Variants in DIAPH2 observed in about 807,000 individuals in gnomAD.
DIAPH2 encodes diaphanous related formin 2.
A neutral mutation model predicts 92.7 loss-of-function variants in DIAPH2; 35 were observed. The observed-to-expected ratio is 0.38, with a 90% CI of 0.29 to 0.50. DIAPH2 has a LOEUF of 0.50. Ranked by LOEUF, DIAPH2 falls within the 20% of genes least tolerant of loss-of-function variation. DIAPH2 has a pLI of 0.94. For missense variants in DIAPH2, 701 were observed against 819.5 expected (o/e 0.86, Z 1.77); for synonymous variants, 301 against 280.4 (o/e 1.07, Z -0.73).
chrX:96,913,660 A>G (rs930560703), intron 7 of DIAPH2, among the ~76,000 whole-genome samples: 10 of 111,338 alleles, frequency 9.0e-5, no homozygotes, highest in African/African-American at 2.9e-4. Context: ...CTTATTTGCT[A>G]AGAACATTGT....
chrX:97,509,183 A>G (rs2070862116), intron 26 of DIAPH2, among the ~76,000 whole-genome samples: 1 of 109,411 alleles, frequency 9.1e-6, no homozygotes, highest in African/African-American at 3.3e-5. Flanking sequence ...AGTAGCTGGG[A>G]TTACAGATGT....
chrX:97,124,446 T>C (rs969316582), intron 21 of DIAPH2, among the ~76,000 whole-genome samples: 37 of 112,615 alleles, frequency 3.3e-4, no homozygotes, highest in Admixed American at 9.4e-4. Context: ...TCTCAGAATT[T>C]GATTACATCT....
Position 96,704,277 on chromosome X carries a change from C to G in DIAPH2, c.132+19087C>G, listed in dbSNP as rs149560873. 5.0e-3 allele frequency among the ~76,000 whole-genome samples: 562 copies of G among 112,049 alleles called. 3 individuals are homozygous for G. The highest frequency in any genetic ancestry group is 0.017 in the African/African-American group (528 of 30,880). On this transcript the variant is annotated intron_variant, in intron 1 of 26. Transcript: ENST00000324765. ...GGGATTTGTGATCCTGGCAAAATCC[C>G]TTTTGAGCCTTTGAAACATGAAGAG...
At chrX:97,545,537 T>A (rs1381695385) in intron 26 of DIAPH2, among the ~76,000 whole-genome samples, 1,677 of 73,536 alleles carry the variant, frequency 0.023, 20 homozygotes, top group Middle Eastern at 0.05. Flanking sequence ...AAAAAAAATA[T>A]ATATATATAT....
chrX:97,438,639 A>G (rs931663728), intron 26 of DIAPH2, among the ~76,000 whole-genome samples: 1 of 109,937 alleles, frequency 9.1e-6, no homozygotes, highest in East Asian at 2.8e-4. Context: ...AGCCTATCAA[A>G]TTGCTGGGAT....
At chrX:97,125,487 A>G (rs1361745766) in intron 21 of DIAPH2, among the ~76,000 whole-genome samples, 1 of 106,390 alleles carries the variant, frequency 9.4e-6, no homozygotes, top group African/African-American at 3.4e-5. Context: ...AAAAAAAAAA[A>G]AAAAAAAAAA....
chrX:96,803,079 G>T (rs1165707796), intron 4 of DIAPH2, among the ~76,000 whole-genome samples: 1 of 110,974 alleles, frequency 9.0e-6, no homozygotes, highest in Non-Finnish European at 1.9e-5. Context: ...CCCAGATTGA[G>T]GGTGGGTCTG....
At chrX:97,249,726 C>T (rs2068172265) in intron 23 of DIAPH2, among the ~76,000 whole-genome samples, 1 of 111,511 alleles carries the variant, frequency 9.0e-6, no homozygotes. Context: ...TGGTGCCTAC[C>T]TAATATATAT....
At chrX:97,262,195 G>T (rs1477082364) in intron 23 of DIAPH2, among the ~76,000 whole-genome samples, 3 of 109,711 alleles carry the variant, frequency 2.7e-5, no homozygotes, top group Non-Finnish European at 5.7e-5. Context: ...ATCATACAAT[G>T]ATAAGTGATA....
intron 26 of DIAPH2, among the ~76,000 whole-genome samples, chrX:97,501,793 T>A (rs2070800001): frequency 8.9e-6 from 1 of 111,757 alleles, no homozygotes; most frequent in Non-Finnish European, 1.9e-5. Context: ...ATTTTCTAAT[T>A]TATTTTATTT....
At chrX:97,179,457 G>T (rs1446572390) in intron 22 of DIAPH2, among the ~76,000 whole-genome samples, 1 of 110,354 alleles carries the variant, frequency 9.1e-6, no homozygotes, top group East Asian at 2.9e-4. Context: ...GAGAACATGT[G>T]GTGTTTGGTT....
intron 5 of DIAPH2, among the ~76,000 whole-genome samples, chrX:96,892,239 A>G (rs1357673342): frequency 8.9e-6 from 1 of 112,161 alleles, no homozygotes; most frequent in Non-Finnish European, 1.9e-5. Context: ...AGATGGAATA[A>G]TAAGGATACT....
intron 5 of DIAPH2, among the ~76,000 whole-genome samples, chrX:96,891,387 A>T (rs1367179222): frequency 8.9e-6 from 1 of 112,097 alleles, no homozygotes; most frequent in Non-Finnish European, 1.9e-5. Context: ...ATCTGCCATC[A>T]CAAATTGCAT....
At chrX:96,689,475 G>A (rs2063788169) in intron 1 of DIAPH2, among the ~76,000 whole-genome samples, 2 of 108,925 alleles carry the variant, frequency 1.8e-5, no homozygotes, top group Admixed American at 1.0e-4. Flanking sequence ...TGGAGACCTG[G>A]ATTCCAGTTG....
At chrX:97,396,397 C>T (rs937943364) in intron 25 of DIAPH2, among the ~76,000 whole-genome samples, 6 of 111,044 alleles carry the variant, frequency 5.4e-5, no homozygotes, top group Non-Finnish European at 9.4e-5. Flanking sequence ...CTTGGCCGGG[C>T]GCAGTGGCTC....
chrX:96,811,951 T>C (rs1040973952), intron 4 of DIAPH2, among the ~76,000 whole-genome samples: 3 of 111,907 alleles, frequency 2.7e-5, no homozygotes, highest in Non-Finnish European at 3.8e-5. Flanking sequence ...TTTGCATCGA[T>C]GTTCATCAGG....
intron 26 of DIAPH2, among the ~76,000 whole-genome samples, chrX:97,590,513 T>C (rs1199221818): frequency 8.9e-6 from 1 of 112,537 alleles, no homozygotes; most frequent in Non-Finnish European, 1.9e-5. Flanking sequence ...GGATTGTCCA[T>C]CATGTGCTCA....
intron 17 of DIAPH2, among the ~76,000 whole-genome samples, chrX:96,995,742 CT>C (rs1164405949): frequency 8.5e-4 from 88 of 103,366 alleles, no homozygotes; most frequent in African/African-American, 2.2e-3. Flanking sequence ...AGTATATTTT[CT>C]TTTTTTTTTT....
chrX:97,395,769 A>G (rs1256691255), intron 25 of DIAPH2, among the ~76,000 whole-genome samples: 1 of 112,602 alleles, frequency 8.9e-6, no homozygotes, highest in Non-Finnish European at 1.9e-5. Flanking sequence ...ACAAAAATAA[A>G]TATGTGAAAC....
Sources: gnomAD v4.1 joint callset for allele counts (sites outside exome capture counted in the v4.1 genomes callset) on GRCh38, gnomAD v4.1.1 for gene constraint, MANE v1.5 for transcripts, NCBI Gene and HGNC (gene_info 2026-07-23, HGNC 2026-07-21) for gene names.